GALNT11: variants seen among roughly 807,000 people sequenced by gnomAD.
The protein encoded by GALNT11 is UDP-GalNAc:polypeptide N-acetylgalactosaminyltransferase 11.
GALNT11 carries 47 observed loss-of-function variants against 72.7 expected under a neutral mutation model. The ratio of observed to expected loss-of-function variants is 0.65; its 90% CI spans 0.51 to 0.82. The LOEUF is 0.82. Ranked by LOEUF, GALNT11 falls within the 40% of genes least tolerant of loss-of-function variation. The pLI is 0.00. For synonymous variants in GALNT11, 270 were observed against 286.6 expected (o/e 0.94, Z 0.58); for missense variants, 677 against 778.4 (o/e 0.87, Z 1.55).
chr7:152,049,059 A>T (rs1399258244), intron 1 of GALNT11, among the ~76,000 whole-genome samples: 2 of 150,686 alleles, frequency 1.3e-5, no homozygotes, highest in Non-Finnish European at 2.9e-5. Flanking sequence ...AGTTTCCTCA[A>T]AACAGCTATC....
chr7:152,090,047 T>G (rs2085910441), intron 1 of GALNT11, among the ~76,000 whole-genome samples: 1 of 152,218 alleles, frequency 6.6e-6, no homozygotes, highest in Non-Finnish European at 1.5e-5. Flanking sequence ...ATTATCATAT[T>G]CTTGCTTACA....
rs567851123 is a variant in GALNT11 at position 152,026,386 on chromosome 7, A to G, written c.-39+502A>G. Among the ~76,000 whole-genome samples the G allele has an allele frequency of 1.9e-4, 29 of 152,330 alleles. No homozygotes were observed. In the East Asian group the frequency reaches 5.6e-3, roughly 29 times the overall value. ...CCTGCCCCTAAGTTTTGTTCCTAAG[A>G]CAGCTGCAAAGATAAAAAGCCACAC... On this transcript the variant is annotated intron_variant, in intron 1 of 11. Coordinates refer to ENST00000430044, the MANE Select transcript of GALNT11 (RefSeq NM_022087.4).
At chr7:152,101,374 G>A (rs3735161) in intron 3 of GALNT11, among the ~76,000 whole-genome samples, 16,044 of 151,938 alleles carry the variant, frequency 0.11, 1,794 homozygotes, top group African/African-American at 0.27. Flanking sequence ...GCTACACGCC[G>A]TCTTGAGCCC....
At position 152,094,540 on chromosome 7, in the gene GALNT11, A is replaced by G. The variant is rs751549278; in HGVS notation, c.295+18A>G. On this transcript the variant is annotated intron_variant, in intron 2 of 11. Coordinates refer to ENST00000430044, the MANE Select transcript of GALNT11 (RefSeq NM_022087.4). The surrounding 1 kb of genome is among the most constrained non-coding windows in gnomAD (Gnocchi z 4.3). ...TGAATTAGGTAAGTATATGATGTTT[A>G]CCAGCATCCATATCAATGTATTTAA... 1 of 1,573,422 alleles carries G rather than the reference A, an allele frequency of 6.4e-7. No individual in the cohort carries two copies.
At chr7:152,088,326 G>C (rs1376691126) in intron 1 of GALNT11, among the ~76,000 whole-genome samples, 1 of 152,008 alleles carries the variant, frequency 6.6e-6, no homozygotes, top group African/African-American at 2.4e-5. Flanking sequence ...TTCCTAGTTT[G>C]TTAAGAATTG....
chr7:152,068,709 A>G (rs1406123738), intron 1 of GALNT11, among the ~76,000 whole-genome samples: 1 of 152,018 alleles, frequency 6.6e-6, no homozygotes, highest in Non-Finnish European at 1.5e-5. Flanking sequence ...CTAGAGGTTT[A>G]TCACTTTTTT....
intron 11 of GALNT11, 109 bp from the exon 12 acceptor site, chr7:152,121,437 G>A: frequency 7.6e-7 from 1 of 1,318,080 alleles, no homozygotes; most frequent in Non-Finnish European, 1.0e-6. Context: ...TGGCTAAGAG[G>A]GGACTATTGT....
At chr7:152,065,089 C>G (rs1281319708) in intron 1 of GALNT11, among the ~76,000 whole-genome samples, 2 of 152,222 alleles carry the variant, frequency 1.3e-5, no homozygotes, top group South Asian at 2.1e-4. Flanking sequence ...TTCAGGCACA[C>G]CAATCAGACG....
At chr7:152,116,468 A>G (rs890229282) in intron 8 of GALNT11, among the ~76,000 whole-genome samples, 1 of 152,092 alleles carries the variant, frequency 6.6e-6, no homozygotes, top group Non-Finnish European at 1.5e-5. Flanking sequence ...CAAACTCCTG[A>G]CCTTAAGTGA....
chr7:152,073,065 A>G (rs2129012206), intron 1 of GALNT11, among the ~76,000 whole-genome samples: 1 of 152,306 alleles, frequency 6.6e-6, no homozygotes, highest in African/African-American at 2.4e-5. Flanking sequence ...GTACATAGTG[A>G]TGTTTCTATA....
At chr7:152,114,008 C>T (rs2088572003) in intron 8 of GALNT11, among the ~76,000 whole-genome samples, 1 of 151,616 alleles carries the variant, frequency 6.6e-6, no homozygotes, top group South Asian at 2.1e-4. Context: ...AAAAGATCCT[C>T]CTGCCTTGGC....
Position 152,094,017 on chromosome 7 carries a change from T to A in GALNT11, c.-38-173T>A, listed in dbSNP as rs1258758156. 2.0e-6 allele frequency: 1 copy of A among 493,304 alleles called. No individual in the cohort carries two copies. Among genetic ancestry groups the A allele is most frequent in the Non-Finnish European group, 3.4e-6 (1 of 293,032 alleles). 30.6% of individuals were successfully genotyped at this position (493,304 alleles called of 1,614,324 possible). On this transcript the variant is annotated intron_variant, in intron 1 of 11. Transcript: ENST00000430044. This position sits in a 1 kb window ranked among gnomAD's most constrained non-coding sequence, Gnocchi z 4.3. ...TTAACCCACAGGCCTGAGGTTTTCA[T>A]TGTTGAACCCTTTTTAAAAACTCAG...
At chr7:152,039,658 C>T (rs767812594) in intron 1 of GALNT11, among the ~76,000 whole-genome samples, 14 of 152,202 alleles carry the variant, frequency 9.2e-5, no homozygotes, top group African/African-American at 2.4e-4. Context: ...TGGCTGCAAC[C>T]GGGGGTCCTC....
At chr7:152,091,877 G>A (rs1029667004) in intron 1 of GALNT11, among the ~76,000 whole-genome samples, 1 of 152,180 alleles carries the variant, frequency 6.6e-6, no homozygotes, top group Non-Finnish European at 1.5e-5. Flanking sequence ...CACGAGAAAC[G>A]ACATCAGTGT....
chr7:152,026,477 T>C (rs773576201), intron 1 of GALNT11, among the ~76,000 whole-genome samples: 4 of 152,188 alleles, frequency 2.6e-5, no homozygotes, highest in Non-Finnish European at 4.4e-5. Flanking sequence ...CCTGAAACAG[T>C]TGTGTGGAAT....
At chr7:152,046,812 G>A (rs2083149477) in intron 1 of GALNT11, among the ~76,000 whole-genome samples, 1 of 152,084 alleles carries the variant, frequency 6.6e-6, no homozygotes, top group Admixed American at 6.6e-5. Context: ...GATAAGTAAG[G>A]TCCTACTGCT....
intron 1 of GALNT11, among the ~76,000 whole-genome samples, chr7:152,045,365 T>C (rs1379105938): frequency 1.3e-5 from 2 of 152,288 alleles, no homozygotes; most frequent in East Asian, 3.9e-4. Flanking sequence ...AGGATTGGTA[T>C]TAGTTCTTTA....
intron 1 of GALNT11, among the ~76,000 whole-genome samples, chr7:152,043,351 T>G (rs1413596737): frequency 1.3e-5 from 2 of 152,204 alleles, no homozygotes; most frequent in African/African-American, 2.4e-5. Context: ...GCTCACAGCT[T>G]TTGTGCAGCA....
intron 1 of GALNT11, among the ~76,000 whole-genome samples, chr7:152,089,301 T>C (rs1404691629): frequency 2.0e-5 from 3 of 152,164 alleles, no homozygotes; most frequent in African/African-American, 7.2e-5. Flanking sequence ...ATCTTAGGTT[T>C]GTTATATGTA....
Sources: gnomAD v4.1 joint callset for allele counts (sites outside exome capture counted in the v4.1 genomes callset) on GRCh38, gnomAD v4.1.1 for gene constraint, Gnocchi (gnomAD v3.1) non-coding constraint, MANE v1.5 for transcripts, NCBI Gene and HGNC (gene_info 2026-07-23, HGNC 2026-07-21) for gene names.